PALS2: variants seen among roughly 807,000 people sequenced by gnomAD.
PALS2 encodes the protein protein PALS2.
Under a neutral mutation model 61.6 loss-of-function variants are expected in PALS2, and 27 were observed. That is an observed-to-expected ratio of 0.44 (90% CI 0.32 to 0.60). PALS2 has a LOEUF of 0.60. Among genes scored for constraint, PALS2 ranks in the 20% least tolerant of loss-of-function variants. The pLI, the probability that PALS2 is intolerant of heterozygous loss-of-function variation, is 0.05. For synonymous variants in PALS2, 236 were observed against 218.6 expected (o/e 1.08, Z -0.70); for missense variants, 554 against 639.4 (o/e 0.87, Z 1.44).
chr7:24,593,278 T>A (rs1483052869), intron 1 of PALS2, among the ~76,000 whole-genome samples: 1 of 152,138 alleles, frequency 6.6e-6, no homozygotes, highest in Non-Finnish European at 1.5e-5. Flanking sequence ...TCTCATTCCC[T>A]TACTTTTTCC....
At chr7:24,680,670 G>A (rs887232869) in intron 11 of PALS2, 150 bp downstream of exon 11, 15 of 1,073,018 alleles carry the variant, frequency 1.4e-5, no homozygotes, top group Admixed American at 1.3e-4. Context: ...ATCTCAGCTC[G>A]TTGCAACCTC....
chr7:24,583,069 A>G (rs1006630721), intron 1 of PALS2, among the ~76,000 whole-genome samples: 5 of 151,094 alleles, frequency 3.3e-5, no homozygotes, highest in Admixed American at 6.6e-5. Context: ...TAATTTTTGT[A>G]TTTTTAGTAG....
intron 1 of PALS2, among the ~76,000 whole-genome samples, chr7:24,619,545 G>A (rs1047803441): frequency 3.3e-5 from 5 of 151,798 alleles, no homozygotes; most frequent in African/African-American, 1.2e-4. Context: ...GTGAAACCCC[G>A]TCTCTACTAA....
chr7:24,683,870 A>G (rs1290795202), intron 11 of PALS2, among the ~76,000 whole-genome samples: 1 of 152,204 alleles, frequency 6.6e-6, no homozygotes, highest in South Asian at 2.1e-4. Context: ...ATTTTATCTT[A>G]TATGTCTAAT....
At chr7:24,625,911 A>G (rs1010378364) in intron 2 of PALS2, among the ~76,000 whole-genome samples, 2 of 152,184 alleles carry the variant, frequency 1.3e-5, no homozygotes, top group Non-Finnish European at 2.9e-5. Flanking sequence ...CTTCCAAGAA[A>G]GAAATAGTAA....
intron 9 of PALS2, among the ~76,000 whole-genome samples, chr7:24,674,991 A>G (rs1341947085): frequency 6.6e-6 from 1 of 152,222 alleles, no homozygotes; most frequent in Admixed American, 6.6e-5. Context: ...GTTGCGCAGT[A>G]TAGAAGTCTA....
At chr7:24,602,063 A>C (rs527560107) in intron 1 of PALS2, among the ~76,000 whole-genome samples, 36 of 152,034 alleles carry the variant, frequency 2.4e-4, no homozygotes, top group Non-Finnish European at 4.4e-4. Flanking sequence ...GATGCCCTCT[A>C]ATCAGGTTCT....
intron 11 of PALS2, among the ~76,000 whole-genome samples, chr7:24,684,401 T>G (rs562630696): frequency 1.3e-5 from 2 of 152,356 alleles, no homozygotes; most frequent in African/African-American, 4.8e-5. Context: ...TTGTTGTGTC[T>G]TCAGCAGTAG....
At chr7:24,653,793 TG>T (rs1275003700) in intron 5 of PALS2, among the ~76,000 whole-genome samples, 1 of 152,212 alleles carries the variant, frequency 6.6e-6, no homozygotes. Flanking sequence ...ACAATCCCAG[TG>T]TTCAGACATC....
At position 24,596,899 on chromosome 7, in the gene PALS2, T is replaced by C. The variant is rs1231882152; in HGVS notation, c.-3+23306T>C. ...GAAACTCTAAACCAGACAGTGAAAT[T>C]TTTAGAGTGGAATTGTGGTGAAGAT... On this transcript the variant is annotated intron_variant, in intron 1 of 11. Transcript: ENST00000222644. The surrounding 1 kb of genome is among the most constrained non-coding windows in gnomAD (Gnocchi z 4.5). 6.6e-6 allele frequency among the ~76,000 whole-genome samples: 1 copy of C among 152,080 alleles called. No homozygotes were observed. Among genetic ancestry groups the C allele is most frequent in the Non-Finnish European group, 1.5e-5 (1 of 68,008 alleles).
At chr7:24,646,271 A>G (rs745342796) in intron 3 of PALS2, among the ~76,000 whole-genome samples, 18 of 152,210 alleles carry the variant, frequency 1.2e-4, no homozygotes, top group Middle Eastern at 3.4e-3. Flanking sequence ...CCCATTCAGT[A>G]TAATGTTGGC....
At chr7:24,585,692 CATTT>C (rs936306151) in intron 1 of PALS2, among the ~76,000 whole-genome samples, 3 of 152,064 alleles carry the variant, frequency 2.0e-5, no homozygotes, top group Admixed American at 6.5e-5. Flanking sequence ...GAAGACTGCA[CATTT>C]ATTTATTTAT....
rs1297782582 is a variant in PALS2, at chr7:24,691,346, TAGC to T, written c.*3735_*3737del. The stretch of plus-strand genomic sequence containing the variant: ...AATCCTGAAGTTTTATGTACATAGA[TAGC>T]AGTTCATTTTTTAAATGTTCGAGTT... On this transcript the variant is annotated 3_prime_UTR_variant, in exon 12 of 12. Coordinates refer to ENST00000222644, the MANE Select transcript of PALS2 (RefSeq NM_001303037.2). 1 of 149,328 alleles carries T rather than the reference TAGC, an allele frequency of 6.7e-6. No individual in the cohort carries two copies. The highest frequency in any genetic ancestry group is 1.5e-5 in the Non-Finnish European group (1 of 67,260). 9.3% of individuals were successfully genotyped at this position (149,328 alleles called of 1,614,324 possible).
In PALS2 at chr7:24,592,665, G is replaced by C. The variant is rs148933758; in HGVS notation, c.-3+19072G>C. On this transcript the variant is annotated intron_variant, in intron 1 of 11. Coordinates refer to ENST00000222644, the MANE Select transcript of PALS2 (RefSeq NM_001303037.2). The stretch of plus-strand genomic sequence containing the variant: ...ACAATAAAACACATATCACAATGAA[G>C]CAAATCACACAAATTTTTTTATTTC... Among the ~76,000 whole-genome samples, 239 of 152,206 alleles carry C rather than the reference G, an allele frequency of 1.6e-3. 1 individual carries two copies. Among genetic ancestry groups the C allele is most frequent in the African/African-American group, 5.4e-3 (226 of 41,546 alleles).
chr7:24,683,884 T>C (rs189077804), intron 11 of PALS2, among the ~76,000 whole-genome samples: 1 of 152,350 alleles, frequency 6.6e-6, no homozygotes, highest in East Asian at 1.9e-4. Flanking sequence ...GTCTAATTCC[T>C]TTCTCTTATG....
chr7:24,675,344 GC>G (rs1787508409), intron 9 of PALS2, among the ~76,000 whole-genome samples: 1 of 151,112 alleles, frequency 6.6e-6, no homozygotes, highest in African/African-American at 2.4e-5. Context: ...GTTACAAGTT[GC>G]CTTAGAAGTT....
chr7:24,574,882 C>G (rs951225890), intron 1 of PALS2, among the ~76,000 whole-genome samples: 5 of 152,112 alleles, frequency 3.3e-5, no homozygotes, highest in African/African-American at 9.7e-5. Context: ...GGTATAGCAA[C>G]GGACCTCAAG....
intron 1 of PALS2, among the ~76,000 whole-genome samples, chr7:24,608,973 C>T (rs1438434687): frequency 6.6e-6 from 1 of 152,062 alleles, no homozygotes; most frequent in African/African-American, 2.4e-5. Flanking sequence ...TTTTTGGTTG[C>T]TCCTTTGCTT....
chr7:24,586,185 A>C (rs1783058678), intron 1 of PALS2, among the ~76,000 whole-genome samples: 1 of 152,122 alleles, frequency 6.6e-6, no homozygotes. Context: ...ATGTTAGGGG[A>C]AAACAAAGTT....
Sources: allele counts gnomAD v4.1 joint callset (sites outside exome capture counted in the v4.1 genomes callset), GRCh38; gene constraint gnomAD v4.1.1; non-coding constraint Gnocchi (gnomAD v3.1); transcripts MANE v1.5; gene names NCBI Gene and HGNC (gene_info 2026-07-23, HGNC 2026-07-21).